Variants in JAG2 observed in about 807,000 individuals in gnomAD.
JAG2 encodes jagged canonical Notch ligand 2.
A neutral mutation model predicts 141.7 loss-of-function variants in JAG2; 46 were observed. The observed-to-expected ratio is 0.32, with a 90% CI of 0.26 to 0.42. JAG2 has a LOEUF of 0.42. JAG2 is among the 10% of genes least tolerant of loss of function. JAG2 has a pLI of 1.00. For missense variants in JAG2, 1,500 were observed against 1,817.5 expected (o/e 0.83, Z 3.18); for synonymous variants, 862 against 763.5 (o/e 1.13, Z -2.13).
Position 105,154,204 on chromosome 14 carries a change from G to A in JAG2, c.788+1358C>T, listed in dbSNP as rs1888516348. 1.3e-5 allele frequency among the ~76,000 whole-genome samples: 2 copies of A among 152,304 alleles called. No homozygotes were observed. Reference sequence around the variant, plus strand: ...TCCTCTCCAAAACGCCACGCTGTGTGACCCTGGGGAAATCAGTAGGCTCTC... The same window carrying A: ...TCCTCTCCAAAACGCCACGCTGTGTAACCCTGGGGAAATCAGTAGGCTCTC... On this transcript the variant is annotated intron_variant, in intron 5 of 25. Coordinates refer to ENST00000331782, the MANE Select transcript of JAG2 (RefSeq NM_002226.5). The surrounding 1 kb of genome is among the most constrained non-coding windows in gnomAD (Gnocchi z 4.4).
At position 105,151,103 on chromosome 14, in the gene JAG2, G is replaced by A. The variant is rs144248956; in HGVS notation, c.1269C>T (p.Asp423=). 3.2e-5 allele frequency: 51 copies of A among 1,609,138 alleles called. No individual in the cohort carries two copies. Among genetic ancestry groups the A allele is most frequent in the African/African-American group, 2.9e-4 (22 of 74,996 alleles). ...ATGGCTTCCCTTCACACTCATTGGC[G>A]TCTGTGAAAGAGACAAGGTGGGAGC... ...EQWVGATCQL[D]ANECEGKPCL... The change falls in exon 10 of 26, where the codon GAC becomes GAT. Residue 423 remains aspartate, a splice_region_variant and synonymous_variant. Coordinates refer to ENST00000331782, the MANE Select transcript of JAG2 (RefSeq NM_002226.5).
At chr14:105,157,954 C>A in intron 2 of JAG2, 191 bp from the exon 3 acceptor site, 2 of 658,614 alleles carry the variant, frequency 3.0e-6, no homozygotes, top group Non-Finnish European at 5.5e-6. Context: ...TGACCCAGCT[C>A]AAGGGAGGGA....
chr14:105,143,724 C>A, intron 24 of JAG2, 86 bp from the exon 25 acceptor site: 1 of 1,537,350 alleles, frequency 6.5e-7, no homozygotes, highest in Non-Finnish European at 8.8e-7. Context: ...CCTGGCCACA[C>A]TGGAGCAAGG....
At position 105,161,118 on chromosome 14, in the gene JAG2, T is replaced by C. The variant is rs587605478; in HGVS notation, c.418-3355A>G. Among the ~76,000 whole-genome samples, 387 of 141,068 alleles carry C rather than the reference T, an allele frequency of 2.7e-3. 1 individual carries two copies. The highest frequency in any genetic ancestry group is 7.4e-3 in the Middle Eastern group (2 of 270). 92.5% of individuals were successfully genotyped at this position (141,068 alleles called of 152,430 possible). On this transcript the variant is annotated intron_variant, in intron 2 of 25. Transcript: ENST00000331782. ...TCTGTTCGGGTGTTGGGGGTCCGAG[T>C]GAGGTCTGTTGGGGGTCTGAGTGAG... is the stretch of plus-strand genomic sequence containing the variant.
At position 105,149,312 on chromosome 14, in the gene JAG2, G is replaced by T; in HGVS notation, c.1611C>A (p.Val537=). ...GGCAGGGGCTTGGCTCACAAAGGTC[G>T]ACATCCACCTGCAGGGTGGGGGGTG... ...GFSGPLCEVD[V]DLCEPSPCRN... The change falls in exon 13 of 26, where the codon GTC becomes GTA. Residue 537 remains valine (V), a synonymous_variant. Transcript: ENST00000331782. 1 of 1,612,622 alleles carries T rather than the reference G, an allele frequency of 6.2e-7. No individual in the cohort carries two copies. The highest frequency in any genetic ancestry group is 8.5e-7 in the Non-Finnish European group (1 of 1,179,960).
intron 22 of JAG2, 138 bp downstream of exon 22, chr14:105,146,247 G>A: frequency 2.4e-6 from 2 of 842,572 alleles, no homozygotes; most frequent in South Asian, 1.5e-5. Context: ...CTGAGCTCTC[G>A]CCTCCCTGGG....
At chr14:105,168,210 GC>G in intron 1 of JAG2, 103 bp from the exon 2 acceptor site, 1 of 875,100 alleles carries the variant, frequency 1.1e-6, no homozygotes, top group Non-Finnish European at 1.4e-6. Flanking sequence ...CCCCCACCCA[GC>G]CGCGCCCGCC....
In JAG2 at chr14:105,147,805, G is replaced by A. The variant is rs1452922654; in HGVS notation, c.2332C>T (p.Arg778Trp). Reference protein sequence around the residue: ...GSGASFSCICRDGWEGRTCTH... With the variant: ...GSGASFSCICWDGWEGRTCTH... The stretch of plus-strand genomic sequence containing the variant: ...CAAGTACGACCCTCCCAGCCGTCCC[G>A]GCAGATGCAGGAGAAGGAGGCCCCG... Residue 778 changes from arginine to tryptophan, a missense_variant, in exon 18 of 26, where the codon CGG becomes TGG. Around this residue, in one of 3 missense-constraint regions of JAG2, gnomAD observed 875 missense variants for 1,202.2 expected, o/e 0.73. Transcript: ENST00000331782. 4 of 1,549,016 alleles carry A rather than the reference G, an allele frequency of 2.6e-6. No individual in the cohort carries two copies. Among genetic ancestry groups the A allele is most frequent in the Non-Finnish European group, 3.5e-6 (4 of 1,147,032 alleles).
rs1888257580 is a variant in JAG2 at position 105,147,398 on chromosome 14, T to A, written c.2407A>T (p.Ile803Phe). The A allele has an allele frequency of 6.2e-7, 1 of 1,607,986 alleles. No homozygotes were observed. Among genetic ancestry groups the A allele is most frequent in the Non-Finnish European group, 8.5e-7 (1 of 1,177,950 alleles). ...AACCAGTTGACGCCGTCAACACAGATGCCACCATTGTAGCTGCAGAGCAGA... is the reference window on the plus strand; with the variant it reads ...AACCAGTTGACGCCGTCAACACAGAAGCCACCATTGTAGCTGCAGAGCAGA... The part of the protein sequence containing the change: ...CNPLPCYNGG[I>F]CVDGVNWFRC... Residue 803 changes from isoleucine to phenylalanine, a missense_variant, in exon 20 of 26, where the codon ATC (isoleucine) becomes TTC (phenylalanine). Transcript: ENST00000331782.
chr14:105,157,548 C>A (rs1008894782), intron 3 of JAG2, among the ~76,000 whole-genome samples, 158 bp downstream of exon 3: 2 of 152,176 alleles, frequency 1.3e-5, no homozygotes, highest in African/African-American at 4.8e-5. Flanking sequence ...AAGTCCCAAA[C>A]GTGGCAGAGC....
At chr14:105,165,548 G>A (rs1888883558) in intron 2 of JAG2, among the ~76,000 whole-genome samples, 1 of 152,164 alleles carries the variant, frequency 6.6e-6, no homozygotes, top group African/African-American at 2.4e-5. Context: ...GGGAAGCTGA[G>A]CCCGAGACCA....
At position 105,151,402 on chromosome 14, in the gene JAG2, G is replaced by A; in HGVS notation, c.1154-6C>T. On this transcript the variant is annotated splice_polypyrimidine_tract_variant and splice_region_variant and intron_variant, in intron 8 of 25. Coordinates refer to ENST00000331782, the MANE Select transcript of JAG2 (RefSeq NM_002226.5). ...CGAAGCACACTCATCGATGTCTGCA[G>A]AGGGTGGAGAAAGGTGGGGCCCTGG... The A allele has an allele frequency of 1.2e-6, 2 of 1,609,000 alleles. No individual in the cohort carries two copies. The highest frequency in any genetic ancestry group is 1.7e-6 in the Non-Finnish European group (2 of 1,179,172).
rs940283755 is a variant in JAG2, at chr14:105,167,350, G to C, written c.417+407C>G. 2.0e-5 allele frequency among the ~76,000 whole-genome samples: 3 copies of C among 152,038 alleles called. No homozygotes were observed. Among genetic ancestry groups the C allele is most frequent in the Admixed American group, 6.5e-5 (1 of 15,276 alleles). The stretch of plus-strand genomic sequence containing the variant: ...TGCAGGGCAGGCGCAGGCTGGCCAC[G>C]GGCCCGGGGCGGCTCAGTCAGGGCC... On this transcript the variant is annotated intron_variant, in intron 2 of 25. Transcript: ENST00000331782. The surrounding 1 kb of genome is among the most constrained non-coding windows in gnomAD (Gnocchi z 4.8).
intron 5 of JAG2, among the ~76,000 whole-genome samples, chr14:105,152,974 C>G (rs1888481249): frequency 6.6e-6 from 1 of 152,166 alleles, no homozygotes; most frequent in South Asian, 2.1e-4. Flanking sequence ...TGGGAGTCCC[C>G]CAGGAGAGGG....
chr14:105,149,192 C>T lies in JAG2; in HGVS notation c.1731G>A (p.Pro577=), dbSNP rs199566648. Residue 577 remains proline (P), a synonymous_variant, in exon 13 of 26, where the codon CCG becomes CCA. Coordinates refer to ENST00000331782, the MANE Select transcript of JAG2 (RefSeq NM_002226.5). ...CACCTCTGCAGGCCCCGCCAGGGCA[C>T]GGCTCGCGGGGCACGGAGCAGTTCT... ...GGKNCSVPRE[P]CPGGACRVID... is the part of the protein sequence containing the mutation. 63 of 1,611,770 alleles carry T rather than the reference C, an allele frequency of 3.9e-5. No homozygotes were observed. The highest frequency in any genetic ancestry group is 5.0e-5 in the Non-Finnish European group (59 of 1,179,766).
Position 105,167,868 on chromosome 14 carries a change from G to C in JAG2, c.306C>G (p.Ser102=). ...HGATPVLGGN[S]FYLPPAGAAG... ...CAGCGCCCGCCGGCGGCAGGTAGAA[G>C]GAGTTGCCGCCCAGCACGGGCGTGG... is the stretch of plus-strand genomic sequence containing the variant. Residue 102 remains serine (S), a synonymous_variant, in exon 2 of 26, where the codon TCC becomes TCG. Coordinates refer to ENST00000331782, the MANE Select transcript of JAG2 (RefSeq NM_002226.5). This position sits in a 1 kb window ranked among gnomAD's most constrained non-coding sequence, Gnocchi z 4.8. 1 of 1,562,174 alleles carries C rather than the reference G, an allele frequency of 6.4e-7. No individual in the cohort carries two copies.
rs766952244 is a variant in JAG2 at position 105,151,010 on chromosome 14, C to T, written c.1362G>A (p.Lys454=). The change falls in exon 10 of 26, where the codon AAG becomes AAA. Residue 454 remains lysine, a synonymous_variant. Coordinates refer to ENST00000331782, the MANE Select transcript of JAG2 (RefSeq NM_002226.5). ...ACTGACTGATATGGCAGTTGATGCCCTTCCAGCCCGGGATGCAATCACAGT... is the reference window on the plus strand; with the variant it reads ...ACTGACTGATATGGCAGTTGATGCCTTTCCAGCCCGGGATGCAATCACAGT... ...GYYCDCIPGW[K]GINCHINVND... 5 of 1,612,642 alleles carry T rather than the reference C, an allele frequency of 3.1e-6. No homozygotes were observed. In the African/African-American group the frequency reaches 5.3e-5, roughly 17 times the overall value.
Position 105,148,987 on chromosome 14 carries a change from T to C in JAG2, c.1856A>G (p.Asn619Ser), listed in dbSNP as rs769600514. 7 of 1,607,946 alleles carry C rather than the reference T, an allele frequency of 4.4e-6. No individual in the cohort carries two copies. The highest frequency in any genetic ancestry group is 2.2e-5 in the South Asian group (2 of 90,172). The change falls in exon 14 of 26, where the codon AAC becomes AGC. Residue 619 changes from asparagine to serine, a missense_variant. This residue lies in a region of JAG2 where 875 missense variants were observed against 1,202.2 expected (regional missense o/e 0.73). Transcript: ENST00000331782. ...HGRCVSQPGG[N>S]FSCICDSGFT... The stretch of plus-strand genomic sequence containing the variant: ...GCCACTGTCACAGATGCAGGAAAAG[T>C]TGCCCCCTGGCTGGCTGACGCAGCG...
chr14:105,164,184 C>T (rs113156054), intron 2 of JAG2, among the ~76,000 whole-genome samples: 19 of 152,132 alleles, frequency 1.2e-4, no homozygotes, highest in African/African-American at 4.3e-4. Flanking sequence ...AACCCCCAGC[C>T]CACTCTCCAA....
Sources: gnomAD v4.1 joint callset for allele counts (sites outside exome capture counted in the v4.1 genomes callset) on GRCh38, gnomAD v4.1.1 for gene constraint, gnomAD v4.1.1 regional missense constraint, Gnocchi (gnomAD v3.1) non-coding constraint, MANE v1.5 for transcripts, NCBI Gene and HGNC (gene_info 2026-07-23, HGNC 2026-07-21) for gene names.